The following NME7 variants were observed in gnomAD, a reference collection of about 807,000 sequenced individuals.
NME7 encodes nucleoside diphosphate kinase 7.
A neutral mutation model predicts 49.1 loss-of-function variants in NME7; 41 were observed. The observed-to-expected ratio is 0.83, with a 90% CI of 0.65 to 1.08. NME7 has a LOEUF of 1.08. Ranked by LOEUF, NME7 falls within the 50% of genes least tolerant of loss-of-function variation. The pLI, the probability that NME7 is intolerant of heterozygous loss-of-function variation, is 0.00. For synonymous variants in NME7, 139 were observed against 150.6 expected, an observed-to-expected ratio of 0.92 and a Z score of 0.56; for missense variants, 423 against 463.4, an observed-to-expected ratio of 0.91 and a Z score of 0.80.
intron 5 of NME7, among the ~76,000 whole-genome samples, chr1:169,299,486 G>T (rs1397535617): frequency 6.6e-6 from 1 of 152,072 alleles, no homozygotes; most frequent in East Asian, 1.9e-4. Context: ...GTTTAACTAT[G>T]AAATAAGTGA....
chr1:169,167,563 T>C (rs2101841305), intron 11 of NME7, among the ~76,000 whole-genome samples: 1 of 152,318 alleles, frequency 6.6e-6, no homozygotes, highest in East Asian at 1.9e-4. Context: ...TTCTTGGATT[T>C]TGGCCTAGAA....
At chr1:169,180,582 A>C (rs1435450314) in intron 10 of NME7, among the ~76,000 whole-genome samples, 1 of 152,178 alleles carries the variant, frequency 6.6e-6, no homozygotes, top group Non-Finnish European at 1.5e-5. Flanking sequence ...ATTCCAGACC[A>C]AGGTGAGCAT....
chr1:169,169,934 A>G (rs1251948481), intron 10 of NME7, among the ~76,000 whole-genome samples: 1 of 152,234 alleles, frequency 6.6e-6, no homozygotes, highest in Non-Finnish European at 1.5e-5. Flanking sequence ...TTCATCTTTA[A>G]GAGAAAAAAT....
intron 7 of NME7, among the ~76,000 whole-genome samples, chr1:169,254,556 T>C (rs1338397444): frequency 4.6e-5 from 7 of 151,602 alleles, no homozygotes; most frequent in East Asian, 4.0e-4. Context: ...TTTGTATCTC[T>C]ATTTCCTTCA....
At chr1:169,243,325 TAA>T (rs1048669644) in intron 7 of NME7, among the ~76,000 whole-genome samples, 1 of 152,086 alleles carries the variant, frequency 6.6e-6, no homozygotes, top group Non-Finnish European at 1.5e-5. Context: ...AGTTAGGAAA[TAA>T]AGTCTCCAAG....
At chr1:169,207,695 G>A (rs910595770) in intron 10 of NME7, among the ~76,000 whole-genome samples, 9 of 152,164 alleles carry the variant, frequency 5.9e-5, no homozygotes, top group African/African-American at 2.2e-4. Context: ...GTATGAATAA[G>A]CTTTAATAAC....
chr1:169,329,838 G>A (rs542405197), intron 1 of NME7, among the ~76,000 whole-genome samples: 51 of 152,148 alleles, frequency 3.4e-4, no homozygotes, highest in African/African-American at 1.0e-3. Context: ...AATACAAGAC[G>A]ATTATAGAAA....
rs961060015 is a variant in NME7 at position 169,266,327 on chromosome 1, G to C, written c.754+20976C>G. ...GTTCAACATACACAAATCAATAAATGTGACTCATCACATAAACAGAACTAA... is the reference window on the plus strand; with the variant it reads ...GTTCAACATACACAAATCAATAAATCTGACTCATCACATAAACAGAACTAA... On this transcript the variant is annotated intron_variant, in intron 7 of 11. Transcript: ENST00000367811. Among the ~76,000 whole-genome samples, 15 of 133,470 alleles carry C rather than the reference G, an allele frequency of 1.1e-4. 1 individual carries two copies. Among genetic ancestry groups the C allele is most frequent in the Admixed American group, 4.4e-4 (6 of 13,604 alleles). 87.6% of individuals were successfully genotyped at this position (133,470 alleles called of 152,430 possible). A position where few individuals can be genotyped will look rare whatever the true frequency, so the allele number is the denominator to read the frequency against.
chr1:169,251,519 GTTAC>G (rs997574386), intron 7 of NME7, among the ~76,000 whole-genome samples: 3 of 140,852 alleles, frequency 2.1e-5, no homozygotes, highest in Admixed American at 1.4e-4. Context: ...CAGTTATCCT[GTTAC>G]TTGTTACCTA....
intron 6 of NME7, among the ~76,000 whole-genome samples, chr1:169,297,417 T>C (rs1052890396): frequency 5.9e-5 from 9 of 152,182 alleles, no homozygotes; most frequent in African/African-American, 2.2e-4. Context: ...TATAAGACCA[T>C]ATAATCTTTC....
chr1:169,133,887 G>A (rs1431544672), intron 11 of NME7, among the ~76,000 whole-genome samples: 4 of 152,324 alleles, frequency 2.6e-5, no homozygotes, highest in Non-Finnish European at 5.9e-5. Flanking sequence ...GGAAAGGGGA[G>A]CATTCATTCA....
chr1:169,344,621 G>A (rs541218226), intron 1 of NME7, among the ~76,000 whole-genome samples: 5 of 151,998 alleles, frequency 3.3e-5, no homozygotes, highest in East Asian at 1.9e-4. Context: ...TGTGTCTAAC[G>A]ATAATTATGT....
chr1:169,214,198 G>C (rs1338083920), intron 10 of NME7, among the ~76,000 whole-genome samples: 1 of 152,186 alleles, frequency 6.6e-6, no homozygotes, highest in African/African-American at 2.4e-5. Context: ...AAGTGGTTTG[G>C]AAAGGGAGCT....
chr1:169,233,477 T>A (rs1647728329), intron 9 of NME7, among the ~76,000 whole-genome samples: 1 of 152,144 alleles, frequency 6.6e-6, no homozygotes. Context: ...GGCCAGACCA[T>A]GCAGGGTCAT....
chr1:169,171,823 T>C (rs1333158366), intron 10 of NME7, among the ~76,000 whole-genome samples: 1 of 152,046 alleles, frequency 6.6e-6, no homozygotes, highest in African/African-American at 2.4e-5. Context: ...TTTTTTTCTT[T>C]TTTTTTATGA....
intron 11 of NME7, among the ~76,000 whole-genome samples, chr1:169,145,878 A>C (rs1380642458): frequency 6.6e-6 from 1 of 152,230 alleles, no homozygotes; most frequent in African/African-American, 2.4e-5. Flanking sequence ...AATGTGGTAT[A>C]ATATGAGAGT....
intron 11 of NME7, among the ~76,000 whole-genome samples, chr1:169,168,660 T>C (rs1017495448): frequency 1.3e-5 from 2 of 152,092 alleles, no homozygotes; most frequent in African/African-American, 2.4e-5. Context: ...GGGGTACCTA[T>C]CCCCTGCACA....
At chr1:169,347,761 C>G (rs1571409865) in intron 1 of NME7, among the ~76,000 whole-genome samples, 2 of 152,138 alleles carry the variant, frequency 1.3e-5, no homozygotes, top group East Asian at 3.8e-4. Context: ...GAACACTTTA[C>G]TGCCACGTGT....
chr1:169,237,018 G>T (rs907655759), intron 8 of NME7, among the ~76,000 whole-genome samples: 1 of 152,102 alleles, frequency 6.6e-6, no homozygotes, highest in East Asian at 1.9e-4. Flanking sequence ...CAGCACAAAG[G>T]TATGACCTCT....
Sources: gnomAD v4.1 joint callset for allele counts (sites outside exome capture counted in the v4.1 genomes callset) on GRCh38, gnomAD v4.1.1 for gene constraint, MANE v1.5 for transcripts, NCBI Gene and HGNC (gene_info 2026-07-23, HGNC 2026-07-21) for gene names.